The following KIR2DL3 variants were observed in gnomAD, a reference collection of about 807,000 sequenced individuals.
KIR2DL3 encodes killer cell immunoglobulin like receptor, two Ig domains and long cytoplasmic tail 3.
KIR2DL3 carries 39 observed loss-of-function variants against 33.8 expected under a neutral mutation model. The ratio of observed to expected loss-of-function variants is 1.15; its 90% CI spans 0.89 to 1.51. The LOEUF (loss-of-function observed/expected upper bound fraction) is 1.51. Ranked by LOEUF, KIR2DL3 falls within the 40% of genes most tolerant of loss-of-function variation. The pLI is 0.00. For synonymous variants in KIR2DL3, 174 were observed against 160.2 expected (o/e 1.09, Z -0.65); for missense variants, 462 against 426.2 (o/e 1.08, Z -0.74).
At chr19:54,741,384 G>C (rs1411880895) in intron 2 of KIR2DL3, among the ~76,000 whole-genome samples, 1 of 151,814 alleles carries the variant, frequency 6.6e-6, no homozygotes, top group African/African-American at 2.4e-5. Context: ...GGAGAAGGTT[G>C]GCTACCCTGA....
chr19:54,740,243 C>G (rs2070769504), intron 2 of KIR2DL3, among the ~76,000 whole-genome samples: 3 of 152,042 alleles, frequency 2.0e-5, no homozygotes, highest in Non-Finnish European at 4.4e-5. Flanking sequence ...ATCCTCCTCT[C>G]TAAGGCGGCG....
In KIR2DL3 at chr19:54,742,151, C is replaced by T. The variant is rs1345334954; in HGVS notation, c.242C>T (p.Ser81Phe). The change falls in exon 3 of 8, where the codon TCC becomes TTC. Residue 81 changes from serine to phenylalanine, a missense_variant. Physicochemically the swap from Ser to Phe is radical, Grantham distance 155. Coordinates refer to ENST00000342376, the MANE Select transcript of KIR2DL3 (RefSeq NM_015868.3). The part of the protein sequence containing the change: ...HLIGEHHDGV[S>F]KANFSIGPMM... Reference sequence around the variant, plus strand: ...ATTGGAGAGCACCATGATGGGGTCTCCAAGGCCAACTTCTCCATCGGTCCC... The same window carrying T: ...ATTGGAGAGCACCATGATGGGGTCTTCAAGGCCAACTTCTCCATCGGTCCC... 7.1e-5 allele frequency: 115 copies of T among 1,613,928 alleles called. No individual in the cohort carries two copies. The highest frequency in any genetic ancestry group is 1.4e-5 in the Non-Finnish European group (17 of 1,180,014).
chr19:54,741,183 C>T (rs1281282033), intron 2 of KIR2DL3, among the ~76,000 whole-genome samples: 2 of 151,228 alleles, frequency 1.3e-5, no homozygotes, highest in Non-Finnish European at 2.9e-5. Context: ...TAAGAAACAA[C>T]CCAAGGAAAG....
intron 5 of KIR2DL3, among the ~76,000 whole-genome samples, chr19:54,749,220 G>A (rs1327166254): frequency 1.3e-5 from 2 of 150,182 alleles, no homozygotes; most frequent in Non-Finnish European, 3.0e-5. Context: ...GGAGCAACAA[G>A]GAGTGTGTGT....
At chr19:54,746,475 T>A (rs373596092) in intron 4 of KIR2DL3, among the ~76,000 whole-genome samples, 1 of 139,256 alleles carries the variant, frequency 7.2e-6, no homozygotes, top group Admixed American at 7.4e-5. Context: ...TTCAGACAAA[T>A]GTCCTGGAGC....
At chr19:54,739,696 C>T (rs546046733) in intron 2 of KIR2DL3, among the ~76,000 whole-genome samples, 154 bp downstream of exon 2, 10 of 150,758 alleles carry the variant, frequency 6.6e-5, no homozygotes, top group East Asian at 3.9e-4. Context: ...TCCCTGGCCT[C>T]TCAACCCCTT....
At chr19:54,738,661 G>A (rs2070245772) in intron 1 of KIR2DL3, 82 bp downstream of exon 1, 4 of 1,604,516 alleles carry the variant, frequency 2.5e-6, no homozygotes, top group Non-Finnish European at 3.4e-6. Flanking sequence ...CCTGGAAGTG[G>A]AGTTATGGGC....
chr19:54,747,800 G>T (rs2072787576), intron 5 of KIR2DL3, among the ~76,000 whole-genome samples: 1 of 152,166 alleles, frequency 6.6e-6, no homozygotes, highest in Non-Finnish European at 1.5e-5. Context: ...AAGCAACCCT[G>T]GCTGACTCAG....
chr19:54,752,614 T>C lies in KIR2DL3; in HGVS notation c.*95T>C, dbSNP rs569160637. 11 of 1,388,762 alleles carry C rather than the reference T, an allele frequency of 7.9e-6. No individual in the cohort carries two copies. The East Asian group carries it at 2.0e-4, about 26-fold the overall frequency. 86.0% of individuals were successfully genotyped at this position (1,388,762 alleles called of 1,614,324 possible). A position where few individuals can be genotyped will look rare whatever the true frequency, so the allele number is the denominator to read the frequency against. On this transcript the variant is annotated 3_prime_UTR_variant, in exon 8 of 8. Transcript: ENST00000342376. The stretch of plus-strand genomic sequence containing the variant: ...CCTGTCTCAAAACTGGGTTGCCAGC[T>C]CCAATGTACCAGCAGCTGGAATCTG...
chr19:54,750,294 C>A (rs2073212336), intron 5 of KIR2DL3, among the ~76,000 whole-genome samples: 1 of 138,688 alleles, frequency 7.2e-6, no homozygotes, highest in African/African-American at 2.7e-5. Flanking sequence ...TCAGTGCCAG[C>A]ACTAGCTCCT....
At chr19:54,739,654 T>TG (rs993879841) in intron 2 of KIR2DL3, 112 bp downstream of exon 2, 1 of 1,568,928 alleles carries the variant, frequency 6.4e-7, no homozygotes, top group African/African-American at 1.4e-5. Context: ...GAGAGGACCC[T>TG]GGGGTGCTCA....
Position 54,743,982 on chromosome 19 carries a change from T to A in KIR2DL3, c.558T>A (p.Pro186=), listed in dbSNP as rs1188674064. The A allele has an allele frequency of 2.5e-6, 4 of 1,614,130 alleles. No individual in the cohort carries two copies. In the African/African-American group the frequency reaches 5.3e-5, roughly 22 times the overall value. ...ACGGAACATTCCAGGCCGACTTTCC[T>A]CTGGGCCCTGCCACCCACGGAGGAA... The part of the protein sequence containing the change: ...KVNGTFQADF[P]LGPATHGGTY... Residue 186 remains proline (P), a synonymous_variant, in exon 4 of 8, where the codon CCT becomes CCA. Coordinates refer to ENST00000342376, the MANE Select transcript of KIR2DL3 (RefSeq NM_015868.3).
chr19:54,746,633 T>C (rs1233317161), intron 4 of KIR2DL3, among the ~76,000 whole-genome samples: 2 of 148,706 alleles, frequency 1.3e-5, no homozygotes, highest in Non-Finnish European at 1.5e-5. Flanking sequence ...TTCCCTGCAC[T>C]GTTTATTGAA....
chr19:54,739,324 G>T (rs1475390608), intron 1 of KIR2DL3, among the ~76,000 whole-genome samples, 183 bp from the exon 2 acceptor site: 1 of 152,138 alleles, frequency 6.6e-6, no homozygotes, highest in African/African-American at 2.4e-5. Flanking sequence ...GTGGGGATAT[G>T]GGCCTGGAAA....
At chr19:54,741,610 T>C (rs1164574319) in intron 2 of KIR2DL3, among the ~76,000 whole-genome samples, 1 of 151,804 alleles carries the variant, frequency 6.6e-6, no homozygotes, top group Admixed American at 6.6e-5. Context: ...CTGCCAAGGA[T>C]TGCAATTCAT....
rs1330304092 is a variant in KIR2DL3 at position 54,752,353 on chromosome 19, T to C, written c.874-14T>C. 6.8e-7 allele frequency: 1 copy of C among 1,480,078 alleles called. No homozygotes were observed. The highest frequency in any genetic ancestry group is 2.3e-5 in the East Asian group (1 of 44,378). The allele number at this position is 1,480,078 out of a possible 1,614,324, so 91.7% of individuals were successfully genotyped here. On this transcript the variant is annotated splice_polypyrimidine_tract_variant and intron_variant, in intron 7 of 7. Coordinates refer to ENST00000342376, the MANE Select transcript of KIR2DL3 (RefSeq NM_015868.3). Reference sequence around the variant, plus strand: ...GTGAGCACCCTCCCTCACTCAGCATTTCCCTCTCTCCAGGACTCTGATGAA... The same window carrying C: ...GTGAGCACCCTCCCTCACTCAGCATCTCCCTCTCTCCAGGACTCTGATGAA...
Position 54,752,231 on chromosome 19 carries a change from AC to A in KIR2DL3, c.838del (p.Gln280LysfsTer9). The stretch of plus-strand genomic sequence containing the variant: ...TCTTCTACAGATGCTGTTGTAATGG[AC>A]CAAGAGCCTGCAGGGAACAGAACAG... Reference protein sequence around the residue: ...CCNKKNAVVMDQEPAGNRTVN... With the variant: ...CCNKKNAVVMXQEPAGNRTVN... On this transcript the variant is annotated frameshift_variant, in exon 7 of 8. Coordinates refer to ENST00000342376, the MANE Select transcript of KIR2DL3 (RefSeq NM_015868.3). LOFTEE classifies it low-confidence loss of function (END_TRUNC). The A allele has an allele frequency of 6.8e-7, 1 of 1,473,536 alleles. No homozygotes were observed. The highest frequency in any genetic ancestry group is 1.3e-5 in the South Asian group (1 of 78,316). The allele number at this position is 1,473,536 out of a possible 1,614,324, so 91.3% of individuals were successfully genotyped here.
chr19:54,746,607 A>T (rs2072527446), intron 4 of KIR2DL3, among the ~76,000 whole-genome samples: 1 of 148,204 alleles, frequency 6.7e-6, no homozygotes, highest in Non-Finnish European at 1.5e-5. Flanking sequence ...ATTCCTCTGC[A>T]TGTAGATGTC....
At chr19:54,744,716 G>A (rs1349177241) in intron 4 of KIR2DL3, among the ~76,000 whole-genome samples, 1 of 149,754 alleles carries the variant, frequency 6.7e-6, no homozygotes, top group East Asian at 2.0e-4. Flanking sequence ...TAGTAGAGAG[G>A]GGGTTTCACC....
Sources: gnomAD v4.1 joint callset for allele counts (sites outside exome capture counted in the v4.1 genomes callset) on GRCh38, gnomAD v4.1.1 for gene constraint, MANE v1.5 for transcripts, NCBI Gene and HGNC (gene_info 2026-07-23, HGNC 2026-07-21) for gene names.